Variants in PTPRS observed in about 807,000 individuals in gnomAD.
PTPRS encodes protein tyrosine phosphatase receptor type S, also known as receptor-type tyrosine-protein phosphatase S.
In PTPRS, 63 loss-of-function variants were observed where a neutral mutation model predicts 215.3. The ratio of observed to expected loss-of-function variants is 0.29; its 90% CI spans 0.24 to 0.36. PTPRS has a LOEUF of 0.36. Ranked by LOEUF, PTPRS falls within the 10% of genes least tolerant of loss-of-function variation. PTPRS has a pLI of 1.00. For missense variants in PTPRS, 2,258 were observed against 2,825.8 expected, an observed-to-expected ratio of 0.80 and a Z score of 4.56; for synonymous variants, 1,404 against 1,191.4, an observed-to-expected ratio of 1.18 and a Z score of -3.68.
At chr19:5,290,304 G>A (rs2048703676) in intron 1 of PTPRS, among the ~76,000 whole-genome samples, 1 of 152,192 alleles carries the variant, frequency 6.6e-6, no homozygotes. Context: ...GTGGGACTTG[G>A]GTCTAGAGCC....
chr19:5,209,875 C>A (rs1046438681), intron 35 of PTPRS, among the ~76,000 whole-genome samples: 4 of 152,164 alleles, frequency 2.6e-5, no homozygotes, highest in African/African-American at 9.7e-5. Flanking sequence ...ATCATCTTGG[C>A]CAACATTCCC....
chr19:5,277,313 T>C (rs2047465032), intron 2 of PTPRS, among the ~76,000 whole-genome samples: 1 of 151,886 alleles, frequency 6.6e-6, no homozygotes, highest in African/African-American at 2.4e-5. Context: ...AAGGAACTGA[T>C]CAAGTGAATG....
intron 12 of PTPRS, 100 bp downstream of exon 12, chr19:5,240,099 C>T (rs2043894371): frequency 7.6e-7 from 1 of 1,323,038 alleles, no homozygotes; most frequent in Non-Finnish European, 9.9e-7. Flanking sequence ...GAATCCGCAG[C>T]ACACATAGGG....
At chr19:5,314,474 G>A (rs886090214) in intron 1 of PTPRS, among the ~76,000 whole-genome samples, 7 of 152,126 alleles carry the variant, frequency 4.6e-5, no homozygotes, top group Admixed American at 3.9e-4. Context: ...TTTGGTTCAA[G>A]AGCCAATCAA....
In PTPRS at chr19:5,340,786, CG is replaced by C. The variant is rs1182831731; in HGVS notation, c.-218del. 6.7e-6 allele frequency: 1 copy of C among 149,366 alleles called. No homozygotes were observed. The highest frequency in any genetic ancestry group is 1.5e-5 in the Non-Finnish European group (1 of 67,112). 9.3% of individuals were successfully genotyped at this position (149,366 alleles called of 1,614,324 possible). A position where few individuals can be genotyped will look rare whatever the true frequency, so the allele number is the denominator to read the frequency against. ...GGCGTGCGCGCGCCGGCCGGGCTGC[CG>C]GGCGGGCGGCGCGAGGACACTCACT... On this transcript the variant is annotated 5_prime_UTR_variant, in exon 1 of 38. Coordinates refer to ENST00000262963, the MANE Select transcript of PTPRS (RefSeq NM_002850.4).
At chr19:5,291,819 T>C (rs1327298077) in intron 1 of PTPRS, among the ~76,000 whole-genome samples, 2 of 151,932 alleles carry the variant, frequency 1.3e-5, no homozygotes, top group Non-Finnish European at 2.9e-5. Flanking sequence ...AAACTCAGAC[T>C]GCTACCTCAG....
At chr19:5,308,481 A>G (rs1268460453) in intron 1 of PTPRS, among the ~76,000 whole-genome samples, 3 of 152,224 alleles carry the variant, frequency 2.0e-5, no homozygotes, top group Non-Finnish European at 4.4e-5. Context: ...CACACGGAAG[A>G]GAGGGAATCA....
intron 13 of PTPRS, among the ~76,000 whole-genome samples, chr19:5,236,691 G>A (rs574779804): frequency 7.9e-5 from 12 of 152,190 alleles, no homozygotes; most frequent in African/African-American, 2.9e-4. Flanking sequence ...CACCCCAACA[G>A]CTTACTTCAA....
intron 2 of PTPRS, among the ~76,000 whole-genome samples, chr19:5,284,375 TAAAA>T (rs201508992): frequency 0.12 from 15,904 of 130,372 alleles, 1,131 homozygotes; most frequent in Admixed American, 0.24. Context: ...ATTAATTAAT[TAAAA>T]TAAATAAATA....
chr19:5,209,717 C>T (rs2040689249), intron 35 of PTPRS, among the ~76,000 whole-genome samples: 1 of 152,174 alleles, frequency 6.6e-6, no homozygotes, highest in Admixed American at 6.5e-5. Context: ...CCCAAACTAC[C>T]ACATTCCACT....
Position 5,206,622 on chromosome 19 carries a change from G to A in PTPRS, c.*152C>T. On this transcript the variant is annotated 3_prime_UTR_variant, in exon 38 of 38. Coordinates refer to ENST00000262963, the MANE Select transcript of PTPRS (RefSeq NM_002850.4). Reference sequence around the variant, plus strand: ...CGGGGCCGGTGGGGGGGCTCGAGGGGCTGCGTCGTCCTCGGAAATGGTGCA... The same window carrying A: ...CGGGGCCGGTGGGGGGGCTCGAGGGACTGCGTCGTCCTCGGAAATGGTGCA... 1 of 644,592 alleles carries A rather than the reference G, an allele frequency of 1.6e-6. No individual in the cohort carries two copies. The highest frequency in any genetic ancestry group is 1.9e-5 in the South Asian group (1 of 52,354). 39.9% of individuals were successfully genotyped at this position (644,592 alleles called of 1,614,324 possible).
chr19:5,232,389 T>C (rs1018236636), intron 13 of PTPRS, among the ~76,000 whole-genome samples: 4 of 149,098 alleles, frequency 2.7e-5, no homozygotes, highest in Non-Finnish European at 5.9e-5. Flanking sequence ...CTCTGTTTAT[T>C]AGGCACCTCC....
At chr19:5,267,001 T>C (rs1276197136) in intron 4 of PTPRS, among the ~76,000 whole-genome samples, 1 of 152,170 alleles carries the variant, frequency 6.6e-6, no homozygotes, top group African/African-American at 2.4e-5. Flanking sequence ...TAACGGTGCA[T>C]CTGTGTCACC....
At chr19:5,247,685 G>C (rs998382463) in intron 9 of PTPRS, among the ~76,000 whole-genome samples, 1 of 151,978 alleles carries the variant, frequency 6.6e-6, no homozygotes. Context: ...CAGCCTCAGG[G>C]GGTGGTCTCA....
At chr19:5,208,122 C>T in intron 36 of PTPRS, 65 bp from the exon 37 acceptor site, 1 of 1,581,744 alleles carries the variant, frequency 6.3e-7, no homozygotes, top group East Asian at 2.3e-5. Flanking sequence ...ATCTGACCAC[C>T]CGATTCCCCG....
intron 4 of PTPRS, among the ~76,000 whole-genome samples, chr19:5,271,449 G>C (rs2146534528): frequency 6.7e-6 from 1 of 150,326 alleles, no homozygotes; most frequent in African/African-American, 2.5e-5. Context: ...CCAGACTGGA[G>C]TGCGATGGCG....
chr19:5,322,373 C>A (rs1443070957), intron 1 of PTPRS, among the ~76,000 whole-genome samples: 1 of 152,190 alleles, frequency 6.6e-6, no homozygotes, highest in Non-Finnish European at 1.5e-5. Context: ...GCACCACGTC[C>A]GTGGGCAGGC....
chr19:5,300,767 CAAAAAAA>C (rs59799136), intron 1 of PTPRS, among the ~76,000 whole-genome samples: 1 of 97,754 alleles, frequency 1.0e-5, no homozygotes, highest in South Asian at 4.0e-4. Flanking sequence ...GACTCCGTCT[CAAAAAAA>C]AAAAAAAAAA....
intron 2 of PTPRS, among the ~76,000 whole-genome samples, chr19:5,279,387 T>A (rs2033242664): frequency 6.6e-6 from 1 of 151,944 alleles, no homozygotes; most frequent in South Asian, 2.1e-4. Flanking sequence ...TATTTTTTTT[T>A]ACAGAGACAG....
Sources: allele counts gnomAD v4.1 joint callset (sites outside exome capture counted in the v4.1 genomes callset), GRCh38; gene constraint gnomAD v4.1.1; transcripts MANE v1.5; gene names NCBI Gene and HGNC (gene_info 2026-07-23, HGNC 2026-07-21).